C12orf42: variants seen among roughly 807,000 people sequenced by gnomAD.
C12orf42 encodes the protein chromosome 12 open reading frame 42.
C12orf42 carries 25 observed loss-of-function variants against 21.6 expected under a neutral mutation model. That is an observed-to-expected ratio of 1.16 (90% CI 0.84 to 1.62). C12orf42 has a LOEUF of 1.62. Among genes scored for constraint, C12orf42 ranks in the 40% most tolerant of loss-of-function variants. The probability of loss-of-function intolerance (pLI) is 0.00; values close to 1 mark genes in which losing one functional copy is unlikely to be tolerated. For missense variants in C12orf42, 483 were observed against 459.3 expected, an observed-to-expected ratio of 1.05 and a Z score of -0.47; for synonymous variants, 174 against 175.0, an observed-to-expected ratio of 0.99 and a Z score of 0.05.
chr12:103,227,830 C>T, the C12orf42 span, among the ~76,000 whole-genome samples: 1 of 152,074 alleles, frequency 6.6e-6, no homozygotes, highest in African/African-American at 2.4e-5. Flanking sequence ...AAATGTGTCT[C>T]CTTTGTCTCT....
At chr12:103,318,608 A>C (rs1182032372) in intron 4 of C12orf42, among the ~76,000 whole-genome samples, 1 of 152,184 alleles carries the variant, frequency 6.6e-6, no homozygotes, top group Non-Finnish European at 1.5e-5. Context: ...AATGAACTTG[A>C]GCATCTCCCC....
the C12orf42 span, among the ~76,000 whole-genome samples, chr12:103,120,161 A>G: frequency 6.6e-6 from 1 of 152,240 alleles, no homozygotes; most frequent in African/African-American, 2.4e-5. Context: ...ACAGATATGA[A>G]TAAGACAAGG....
chr12:103,507,636 A>C, the C12orf42 span, among the ~76,000 whole-genome samples: 1 of 150,404 alleles, frequency 6.6e-6, no homozygotes, highest in South Asian at 2.1e-4. Flanking sequence ...CTATAATTGC[A>C]CTACTGCACC....
At chr12:103,210,212 G>C in the C12orf42 span, among the ~76,000 whole-genome samples, 2 of 152,110 alleles carry the variant, frequency 1.3e-5, no homozygotes, top group Admixed American at 1.3e-4. Context: ...TGGTTAAATA[G>C]ATATGAGATA....
chr12:103,519,810 G>T, the C12orf42 span, among the ~76,000 whole-genome samples: 1 of 152,240 alleles, frequency 6.6e-6, no homozygotes, highest in East Asian at 1.9e-4. Flanking sequence ...ACTGGAGTCA[G>T]GAAATTCCAG....
chr12:103,302,112 T>G lies in C12orf42; in HGVS notation c.1079A>C (p.His360Pro). 1 of 1,611,144 alleles carries G rather than the reference T, an allele frequency of 6.2e-7. No individual in the cohort carries two copies. Among genetic ancestry groups the G allele is most frequent in the African/African-American group, 1.3e-5 (1 of 74,912 alleles). The change falls in exon 6 of 6, where the codon CAT becomes CCT. Residue 360 changes from histidine (H) to proline (P), a missense_variant. By Grantham distance (77) the His-to-Pro change is moderately conservative (BLOSUM62 -2). Transcript: ENST00000548883. Reference protein sequence around the residue: ...LSRPVVNAHLH With the variant: ...LSRPVVNAHLP ...CGAACAATTCCCTCGCAGCGGTCAA[T>G]GTAAGTGAGCATTCACCACCGGCCT...
At chr12:103,381,262 G>A (rs181157470) in intron 3 of C12orf42, among the ~76,000 whole-genome samples, 11 of 152,322 alleles carry the variant, frequency 7.2e-5, no homozygotes, top group Admixed American at 5.2e-4. Context: ...AAGACAGTAT[G>A]GAGAATCCAA....
intron 4 of C12orf42, among the ~76,000 whole-genome samples, chr12:103,282,767 C>T (rs971126791): frequency 6.6e-6 from 1 of 152,202 alleles, no homozygotes; most frequent in Non-Finnish European, 1.5e-5. Context: ...AAGGTCAACA[C>T]CTGCTACTGC....
intron 2 of C12orf42, chr12:103,471,832 T>C (rs1308905267): frequency 6.6e-6 from 1 of 152,250 alleles, no homozygotes; most frequent in Non-Finnish European, 1.5e-5. Context: ...TTTTCCATTC[T>C]ATTTCTCTTT....
At chr12:103,097,449 G>C in the C12orf42 span, among the ~76,000 whole-genome samples, 3 of 152,172 alleles carry the variant, frequency 2.0e-5, no homozygotes, top group East Asian at 5.8e-4. Flanking sequence ...AGAAATACGA[G>C]TCTCATTTAT....
intron 1 of C12orf42, among the ~76,000 whole-genome samples, chr12:103,494,218 T>TAA (rs1955364080): frequency 6.6e-6 from 1 of 152,198 alleles, no homozygotes; most frequent in African/African-American, 2.4e-5. Flanking sequence ...AACTCACAGG[T>TAA]GTTTGTGGGC....
At chr12:103,213,092 A>C in the C12orf42 span, among the ~76,000 whole-genome samples, 5 of 152,296 alleles carry the variant, frequency 3.3e-5, no homozygotes, top group Admixed American at 1.3e-4. Flanking sequence ...TCACAATTTA[A>C]AATGCTGGAA....
intron 5 of C12orf42, chr12:103,273,970 G>GA: frequency 2.2e-6 from 1 of 455,082 alleles, no homozygotes; most frequent in South Asian, 1.6e-5. Context: ...CCAGGGTCAA[G>GA]AAAAATCCCC....
intron 4 of C12orf42, among the ~76,000 whole-genome samples, chr12:103,339,923 T>C (rs1413434139): frequency 6.6e-6 from 1 of 152,218 alleles, no homozygotes; most frequent in Non-Finnish European, 1.5e-5. Flanking sequence ...GCAAAGTTCC[T>C]GAGAAAGAAT....
chr12:103,168,070 A>C, the C12orf42 span: 1 of 455,972 alleles, frequency 2.2e-6, no homozygotes, highest in South Asian at 1.5e-5. Context: ...AGAAATGATT[A>C]CATTATTGTG....
At chr12:103,178,299 A>G in the C12orf42 span, 1 of 152,168 alleles carries the variant, frequency 6.6e-6, no homozygotes, top group South Asian at 2.1e-4. Flanking sequence ...TTTCTTTTGC[A>G]TAAAAGACAC....
intron 10 of C12orf42, among the ~76,000 whole-genome samples, chr12:103,246,200 T>C (rs989268266): frequency 1.3e-5 from 2 of 152,158 alleles, no homozygotes; most frequent in East Asian, 3.9e-4. Flanking sequence ...ATTCAAAACA[T>C]GGAAGCCCTC....
chr12:103,463,616 G>A (rs7305169), intron 2 of C12orf42, among the ~76,000 whole-genome samples: 89,215 of 151,900 alleles, frequency 0.59, 27,440 homozygotes, highest in Admixed American at 0.7. Context: ...TAAGTTCCAG[G>A]ATACATGTGC....
intron 10 of C12orf42, among the ~76,000 whole-genome samples, chr12:103,245,094 A>G (rs2033946029): frequency 6.6e-6 from 1 of 152,142 alleles, no homozygotes; most frequent in Non-Finnish European, 1.5e-5. Context: ...TGTTTAAGTA[A>G]TCCCAGAGGA....
Sources: gnomAD v4.1 joint callset for allele counts (sites outside exome capture counted in the v4.1 genomes callset) on GRCh38, gnomAD v4.1.1 for gene constraint, MANE v1.5 for transcripts, NCBI Gene and HGNC (gene_info 2026-07-23, HGNC 2026-07-21) for gene names.